ADAMTS17: variants seen among roughly 807,000 people sequenced by gnomAD.
ADAMTS17 encodes the protein A disintegrin and metalloproteinase with thrombospondin motifs 17.
A neutral mutation model predicts 141.5 loss-of-function variants in ADAMTS17; 113 were observed. That is an observed-to-expected ratio of 0.80 (90% CI 0.69 to 0.93). The LOEUF is 0.93. ADAMTS17 is among the 40% of genes least tolerant of loss of function. The pLI is 0.00. For synonymous variants in ADAMTS17, 768 were observed against 630.6 expected (o/e 1.22, Z -3.27); for missense variants, 1,659 against 1,517.9 (o/e 1.09, Z -1.54).
intron 3 of ADAMTS17, among the ~76,000 whole-genome samples, chr15:100,302,445 T>C (rs949748614): frequency 6.6e-6 from 1 of 152,246 alleles, no homozygotes; most frequent in Non-Finnish European, 1.5e-5. Context: ...GGCTAAGTCA[T>C]ACAGTAATTC....
intron 3 of ADAMTS17, among the ~76,000 whole-genome samples, chr15:100,317,904 G>A (rs973616004): frequency 1.3e-5 from 2 of 152,196 alleles, no homozygotes; most frequent in African/African-American, 4.8e-5. Context: ...GCAGCCGTGA[G>A]TTGAGGGGCC....
At position 100,152,758 on chromosome 15, in the gene ADAMTS17, T is replaced by C. The variant is rs2039235639; in HGVS notation, c.1327A>G (p.Lys443Glu). 1.2e-6 allele frequency: 2 copies of C among 1,614,186 alleles called. No homozygotes were observed. The highest frequency in any genetic ancestry group is 2.7e-5 in the African/African-American group (2 of 75,056). ...GTGACTAGCAAGCAGGTGCTGACTT[T>C]TGACCTGAAACAGCCGAGAGGCAAG... ...RDDLENFLKS[K>E]VSTCLLVTDP... Residue 443 changes from lysine to glutamate, a missense_variant, in exon 10 of 22, where the codon AAA becomes GAA. Physicochemically the swap from Lys to Glu is moderately conservative, Grantham distance 56. Coordinates refer to ENST00000268070, the MANE Select transcript of ADAMTS17 (RefSeq NM_139057.4).
intron 6 of ADAMTS17, among the ~76,000 whole-genome samples, chr15:100,258,316 C>G (rs2043396385): frequency 6.6e-6 from 1 of 152,190 alleles, no homozygotes; most frequent in Non-Finnish European, 1.5e-5. Context: ...GTGGCTGTAC[C>G]ATTTTACATT....
rs537709345 is a variant in ADAMTS17 at position 100,256,340 on chromosome 15, G to A, written c.1032-2161C>T. ...CCCTGGGCTAACACTCTGCTGTCGC[G>A]GGGTCCATATTTTCATTTTGCATGG... On this transcript the variant is annotated intron_variant, in intron 6 of 21. Coordinates refer to ENST00000268070, the MANE Select transcript of ADAMTS17 (RefSeq NM_139057.4). 5.3e-5 allele frequency: 8 copies of A among 152,340 alleles called. No homozygotes were observed. In the South Asian group the frequency reaches 6.2e-4, roughly 12 times the overall value. 9.4% of individuals were successfully genotyped at this position (152,340 alleles called of 1,614,324 possible). A position where few individuals can be genotyped will look rare whatever the true frequency, so the allele number is the denominator to read the frequency against.
At chr15:100,034,388 T>G (rs1596272760) in intron 18 of ADAMTS17, among the ~76,000 whole-genome samples, 1 of 152,372 alleles carries the variant, frequency 6.6e-6, no homozygotes, top group Non-Finnish European at 1.5e-5. Flanking sequence ...GGCAGTGCTG[T>G]GACCGTGGTC....
intron 13 of ADAMTS17, among the ~76,000 whole-genome samples, chr15:100,113,811 G>C (rs544590110): frequency 6.6e-6 from 1 of 152,364 alleles, no homozygotes; most frequent in South Asian, 2.1e-4. Flanking sequence ...TCCCCACGGA[G>C]GCTCAGACCT....
Position 99,976,056 on chromosome 15 carries a change from G to T in ADAMTS17, c.3116C>A (p.Ser1039Tyr). The T allele has an allele frequency of 6.4e-7, 1 of 1,550,938 alleles. No homozygotes were observed. The highest frequency in any genetic ancestry group is 8.7e-7 in the Non-Finnish European group (1 of 1,146,522). ...GTGAAGACACTCACCAAGGCGGGGG[G>T]AGGTGATGGTGTTGGCGTTGATCCT... ...NDRINANTITSPRLAALTYKC... is the reference protein window; with the variant it reads ...NDRINANTITYPRLAALTYKC... The change falls in exon 21 of 22, where the codon TCC (serine) becomes TAC (tyrosine). Residue 1039 changes from serine (S) to tyrosine (Y), a missense_variant. Ser to Tyr is a moderately radical substitution (Grantham distance 144). Transcript: ENST00000268070.
intron 18 of ADAMTS17, among the ~76,000 whole-genome samples, chr15:100,034,189 T>C (rs189050641): frequency 1.3e-5 from 2 of 152,350 alleles, no homozygotes; most frequent in East Asian, 1.9e-4. Context: ...ACAATTCTCC[T>C]GGGAAGAAGC....
Position 100,051,748 on chromosome 15 carries a change from A to G in ADAMTS17, c.2296-17T>C. On this transcript the variant is annotated splice_polypyrimidine_tract_variant and intron_variant, in intron 16 of 21. Coordinates refer to ENST00000268070, the MANE Select transcript of ADAMTS17 (RefSeq NM_139057.4). ...TAACAACACCTGGATCAGCCGCAAA[A>G]CAAAAGGCCATTTTGAAAAGGAAGG... 1 of 1,614,158 alleles carries G rather than the reference A, an allele frequency of 6.2e-7. No individual in the cohort carries two copies. Among genetic ancestry groups the G allele is most frequent in the Non-Finnish European group, 8.5e-7 (1 of 1,180,026 alleles).
At chr15:100,243,796 AAAAAAAAG>A (rs1241848362) in intron 7 of ADAMTS17, among the ~76,000 whole-genome samples, 2 of 87,400 alleles carry the variant, frequency 2.3e-5, no homozygotes, top group African/African-American at 8.7e-5. Context: ...TCTTAAAAAA[AAAAAAAAG>A]AAAGAAAAGA....
chr15:100,000,859 A>G (rs918356158), intron 18 of ADAMTS17, among the ~76,000 whole-genome samples: 5 of 152,348 alleles, frequency 3.3e-5, no homozygotes, highest in Non-Finnish European at 4.4e-5. Context: ...AAAAATACAG[A>G]AGAGACATAG....
chr15:100,019,137 C>A (rs1234739245), intron 18 of ADAMTS17, among the ~76,000 whole-genome samples: 6 of 152,226 alleles, frequency 3.9e-5, no homozygotes, highest in Non-Finnish European at 1.5e-5. Flanking sequence ...AGAGCTACAG[C>A]AGCAACACGG....
intron 8 of ADAMTS17, among the ~76,000 whole-genome samples, chr15:100,159,238 G>T (rs750890485): frequency 1.3e-5 from 2 of 152,104 alleles, no homozygotes; most frequent in African/African-American, 4.8e-5. Context: ...ACTGATAGAT[G>T]GATCAATAAA....
At position 100,150,385 on chromosome 15, in the gene ADAMTS17, C is replaced by T. The variant is rs551050275; in HGVS notation, c.1473+2227G>A. On this transcript the variant is annotated intron_variant, in intron 10 of 21. Coordinates refer to ENST00000268070, the MANE Select transcript of ADAMTS17 (RefSeq NM_139057.4). ...CCTCAGTAACAGATACCCCTGGGCT[C>T]GCTTTCCAGCCCACCCCTTTCCAGC... is the stretch of plus-strand genomic sequence containing the variant. 4.6e-5 allele frequency among the ~76,000 whole-genome samples: 7 copies of T among 152,304 alleles called. No individual in the cohort carries two copies. In the South Asian group the frequency reaches 1.2e-3, roughly 27 times the overall value.
chr15:100,039,312 G>C (rs965061638), intron 18 of ADAMTS17, among the ~76,000 whole-genome samples: 4 of 151,930 alleles, frequency 2.6e-5, no homozygotes. Flanking sequence ...CCTCTTTCCA[G>C]TATCATTACA....
At chr15:100,245,985 G>T (rs1055922829) in intron 7 of ADAMTS17, among the ~76,000 whole-genome samples, 2 of 151,920 alleles carry the variant, frequency 1.3e-5, no homozygotes, top group African/African-American at 4.8e-5. Flanking sequence ...TCTCTAAGTG[G>T]TGCACAGAGC....
intron 7 of ADAMTS17, among the ~76,000 whole-genome samples, chr15:100,241,463 T>C (rs1358814463): frequency 2.0e-5 from 3 of 152,214 alleles, no homozygotes; most frequent in African/African-American, 7.2e-5. Context: ...ATTGTTGCGG[T>C]AATTTCTTTA....
At chr15:100,073,806 C>T (rs1275810431) in intron 15 of ADAMTS17, among the ~76,000 whole-genome samples, 2 of 150,260 alleles carry the variant, frequency 1.3e-5, no homozygotes, top group Non-Finnish European at 3.0e-5. Context: ...GGAGATATAC[C>T]TAATGTTAAA....
chr15:100,296,896 T>C (rs1390242063), intron 3 of ADAMTS17, among the ~76,000 whole-genome samples: 2 of 152,238 alleles, frequency 1.3e-5, no homozygotes, highest in African/African-American at 4.8e-5. Flanking sequence ...GTGTGCTAGG[T>C]ACTGCCACAA....
Sources: gnomAD v4.1 joint callset for allele counts (sites outside exome capture counted in the v4.1 genomes callset) on GRCh38, gnomAD v4.1.1 for gene constraint, MANE v1.5 for transcripts, NCBI Gene and HGNC (gene_info 2026-07-23, HGNC 2026-07-21) for gene names.